SLAIN1: variants seen among roughly 807,000 people sequenced by gnomAD.
SLAIN1 encodes SLAIN family member 1, also known as SLAIN motif-containing protein 1.
SLAIN1 carries 17 observed loss-of-function variants against 55.4 expected under a neutral mutation model. That is an observed-to-expected ratio of 0.31 (90% confidence interval 0.21 to 0.46). The LOEUF is 0.46. SLAIN1 is among the 20% of genes least tolerant of loss of function. The pLI, the probability that SLAIN1 is intolerant of heterozygous loss-of-function variation, is 1.00. For synonymous variants in SLAIN1, 348 were observed against 337.4 expected, an observed-to-expected ratio of 1.03 and a Z score of -0.35; for missense variants, 682 against 785.1, an observed-to-expected ratio of 0.87 and a Z score of 1.57.
chr13:77,719,737 G>T lies in SLAIN1; in HGVS notation c.766+66G>T, dbSNP rs2091243739. The stretch of plus-strand genomic sequence containing the variant: ...CACTCTCAGTGCTGCTTTTGTTGCT[G>T]GTTTTGGAATAAACATTTCAATTGA... On this transcript the variant is annotated intron_variant, in intron 2 of 6. Coordinates refer to ENST00000418532, the MANE Select transcript of SLAIN1 (RefSeq NM_001242868.2). 12 of 1,546,342 alleles carry T rather than the reference G, an allele frequency of 7.8e-6. No homozygotes were observed. The South Asian group carries it at 1.5e-4, about 19-fold the overall frequency.
Position 77,746,746 on chromosome 13 carries a change from TAGG to T in SLAIN1, c.1155_1157del (p.Arg385del). 1 of 1,613,848 alleles carries T rather than the reference TAGG, an allele frequency of 6.2e-7. No individual in the cohort carries two copies. The highest frequency in any genetic ancestry group is 8.5e-7 in the Non-Finnish European group (1 of 1,179,838). Reference sequence around the variant, plus strand: ...AGACTTTCTCCAGCATTCGGGAGTGTAGGAGGAGCCCCAGTTCCCAGTATTTTC... The same window carrying T: ...AGACTTTCTCCAGCATTCGGGAGTGTAGGAGCCCCAGTTCCCAGTATTTTC... On this transcript the variant is annotated inframe_deletion, in exon 4 of 7. Coordinates refer to ENST00000418532, the MANE Select transcript of SLAIN1 (RefSeq NM_001242868.2).
chr13:77,711,825 A>G (rs1332331937), intron 1 of SLAIN1, among the ~76,000 whole-genome samples: 1 of 152,232 alleles, frequency 6.6e-6, no homozygotes, highest in Admixed American at 6.5e-5. Context: ...GAAAATCCTC[A>G]GTAAAATACT....
intron 3 of SLAIN1, among the ~76,000 whole-genome samples, chr13:77,746,290 G>T (rs1371196072): frequency 6.6e-6 from 1 of 152,038 alleles, no homozygotes; most frequent in African/African-American, 2.4e-5. Flanking sequence ...ACTGGAATTG[G>T]GGCAATCTTT....
intron 5 of SLAIN1, among the ~76,000 whole-genome samples, chr13:77,756,298 A>G (rs1350398527): frequency 2.0e-5 from 3 of 152,032 alleles, no homozygotes; most frequent in African/African-American, 7.2e-5. Flanking sequence ...CTGCAGATCA[A>G]TTTTTGGAAG....
chr13:77,698,276 G>A lies in SLAIN1; in HGVS notation c.363G>A (p.Ala121=). 1.4e-6 allele frequency: 2 copies of A among 1,422,166 alleles called. No homozygotes were observed. Among genetic ancestry groups the A allele is most frequent in the South Asian group, 1.4e-5 (1 of 72,292 alleles). 88.1% of individuals were successfully genotyped at this position (1,422,166 alleles called of 1,614,324 possible). Residue 121 remains alanine, a synonymous_variant, in exon 1 of 7, where the codon GCG becomes GCA. Transcript: ENST00000418532. This position sits in a 1 kb window ranked among gnomAD's most constrained non-coding sequence, Gnocchi z 4.1. ...GCAGCGGCGGTGGCTCCAGCCCCGCGTTCCCGGGCACCTTCTGCCTGCCTA... is the reference window on the plus strand; with the variant it reads ...GCAGCGGCGGTGGCTCCAGCCCCGCATTCCCGGGCACCTTCTGCCTGCCTA... The part of the protein sequence containing the change: ...GSGSGGGSSP[A]FPGTFCLPSP...
chr13:77,745,599 A>C (rs1873759899), intron 3 of SLAIN1, among the ~76,000 whole-genome samples: 1 of 152,080 alleles, frequency 6.6e-6, no homozygotes, highest in Non-Finnish European at 1.5e-5. Context: ...TTTGTTTTGG[A>C]GTTATCTTTT....
intron 1 of SLAIN1, among the ~76,000 whole-genome samples, chr13:77,707,243 ACTT>A (rs1242147859): frequency 6.6e-6 from 1 of 151,042 alleles, no homozygotes; most frequent in Non-Finnish European, 1.5e-5. Flanking sequence ...TTTTCAGGAG[ACTT>A]CTTCAACTTG....
chr13:77,717,730 T>A (rs1424603247), intron 1 of SLAIN1, among the ~76,000 whole-genome samples: 1 of 152,166 alleles, frequency 6.6e-6, no homozygotes, highest in Non-Finnish European at 1.5e-5. Context: ...GCTGAGTGCC[T>A]CTCAAGATGT....
Position 77,746,697 on chromosome 13 carries a change from T to C in SLAIN1, c.1100T>C (p.Phe367Ser), listed in dbSNP as rs1412703309. 1 of 1,613,752 alleles carries C rather than the reference T, an allele frequency of 6.2e-7. No individual in the cohort carries two copies. The highest frequency in any genetic ancestry group is 1.7e-5 in the Admixed American group (1 of 59,940). The change falls in exon 4 of 7, where the codon TTC becomes TCC. Residue 367 changes from phenylalanine (F) to serine (S), a missense_variant. Around this residue, in one of 3 missense-constraint regions of SLAIN1, gnomAD observed 244 missense variants for 295.2 expected, o/e 0.83. Coordinates refer to ENST00000418532, the MANE Select transcript of SLAIN1 (RefSeq NM_001242868.2). Reference sequence around the variant, plus strand: ...CCTCGTCTTCCAAGATGTTCCCCTTTCCAAAGAGGAATTCCCCATTCACAG... The same window carrying C: ...CCTCGTCTTCCAAGATGTTCCCCTTCCCAAAGAGGAATTCCCCATTCACAG... Reference protein sequence around the residue: ...PQPRLPRCSPFQRGIPHSQTF... With the variant: ...PQPRLPRCSPSQRGIPHSQTF...
intron 2 of SLAIN1, among the ~76,000 whole-genome samples, chr13:77,733,915 TGGAGCCAA>T (rs1023496491): frequency 3.9e-5 from 6 of 152,142 alleles, no homozygotes; most frequent in Admixed American, 3.9e-4. Context: ...TTGCTCAGGT[TGGAGCCAA>T]GTCAGCAGCA....
At chr13:77,726,573 G>A (rs372756873) in intron 2 of SLAIN1, among the ~76,000 whole-genome samples, 1 of 152,054 alleles carries the variant, frequency 6.6e-6, no homozygotes, top group Non-Finnish European at 1.5e-5. Flanking sequence ...GACTGCAGAT[G>A]TATGCCACCA....
At chr13:77,758,150 G>T (rs1874738060) in intron 5 of SLAIN1, among the ~76,000 whole-genome samples, 1 of 152,050 alleles carries the variant, frequency 6.6e-6, no homozygotes, top group African/African-American at 2.4e-5. Flanking sequence ...GTATCTCATT[G>T]TGGTTTTAAT....
rs2091221235 is a variant in SLAIN1 at position 77,717,641 on chromosome 13, G to C, written c.627-1891G>C. On this transcript the variant is annotated intron_variant, in intron 1 of 6. Coordinates refer to ENST00000418532, the MANE Select transcript of SLAIN1 (RefSeq NM_001242868.2). Reference sequence around the variant, plus strand: ...ATCAGATGATTTTCTCTCAGTTTCTGTTGGCTAGGATTGTGTCTGGGGCGT... The same window carrying C: ...ATCAGATGATTTTCTCTCAGTTTCTCTTGGCTAGGATTGTGTCTGGGGCGT... Among the ~76,000 whole-genome samples, 3 of 152,100 alleles carry C rather than the reference G, an allele frequency of 2.0e-5. No individual in the cohort carries two copies. The South Asian group carries it at 6.2e-4, about 31-fold the overall frequency.
At chr13:77,747,257 T>TA (rs1873901854) in intron 4 of SLAIN1, among the ~76,000 whole-genome samples, 1 of 151,952 alleles carries the variant, frequency 6.6e-6, no homozygotes, top group Non-Finnish European at 1.5e-5. Context: ...TTAAGAGAAA[T>TA]ATAGATAATT....
At chr13:77,743,072 C>G in intron 2 of SLAIN1, 1 of 1,302,960 alleles carries the variant, frequency 7.7e-7, no homozygotes. Context: ...TCCTTATAGT[C>G]CTGTTGCAAG....
At chr13:77,707,545 C>A (rs2091102889) in intron 1 of SLAIN1, among the ~76,000 whole-genome samples, 1 of 152,010 alleles carries the variant, frequency 6.6e-6, no homozygotes, top group Non-Finnish European at 1.5e-5. Context: ...CTGTTCATAC[C>A]CAAAGGAGGT....
chr13:77,698,368 C>A lies in SLAIN1; in HGVS notation c.455C>A (p.Pro152Gln). 2 of 1,434,696 alleles carry A rather than the reference C, an allele frequency of 1.4e-6. No individual in the cohort carries two copies. Among genetic ancestry groups the A allele is most frequent in the South Asian group, 1.4e-5 (1 of 72,672 alleles). The allele number at this position is 1,434,696 out of a possible 1,614,324, so 88.9% of individuals were successfully genotyped here. A position where few individuals can be genotyped will look rare whatever the true frequency, so the allele number is the denominator to read the frequency against. ...PPEAPFVYFK[P>Q]AAGFFGAGGG... is the part of the protein sequence containing the mutation. ...GAGGCGCCCTTCGTCTACTTCAAGC[C>A]GGCAGCAGGCTTCTTCGGCGCGGGC... Residue 152 changes from proline to glutamine, a missense_variant, in exon 1 of 7, where the codon CCG becomes CAG. Physicochemically the swap from Pro to Gln is moderately conservative, Grantham distance 76. Around this residue, in one of 3 missense-constraint regions of SLAIN1, gnomAD observed 401 missense variants for 417.3 expected, o/e 0.96. Transcript: ENST00000418532. The surrounding 1 kb of genome is among the most constrained non-coding windows in gnomAD (Gnocchi z 4.1).
intron 2 of SLAIN1, among the ~76,000 whole-genome samples, chr13:77,736,070 A>C (rs1002394950): frequency 1.3e-5 from 2 of 152,088 alleles, no homozygotes; most frequent in African/African-American, 4.8e-5. Context: ...TAACATTTTC[A>C]ATCTCAGCTC....
Position 77,761,102 on chromosome 13 carries a change from T to G in SLAIN1, c.1689T>G (p.Pro563=), listed in dbSNP as rs1824694987. Residue 563 remains proline, a synonymous_variant, in exon 6 of 7, where the codon CCT becomes CCG. Transcript: ENST00000418532. ...TGCCTCGAAGCAAAATTGCACAACC[T>G]GTTAGAAGGTAAGAATGTGTATTTG... is the stretch of plus-strand genomic sequence containing the variant. The part of the protein sequence containing the change: ...SNLPRSKIAQ[P]VRSFLQPPKP... 6.2e-7 allele frequency: 1 copy of G among 1,614,020 alleles called. No individual in the cohort carries two copies. Among genetic ancestry groups the G allele is most frequent in the East Asian group, 2.2e-5 (1 of 44,886 alleles).
Sources: allele counts gnomAD v4.1 joint callset (sites outside exome capture counted in the v4.1 genomes callset), GRCh38; gene constraint gnomAD v4.1.1; regional missense constraint gnomAD v4.1.1; non-coding constraint Gnocchi (gnomAD v3.1); transcripts MANE v1.5; gene names NCBI Gene and HGNC (gene_info 2026-07-23, HGNC 2026-07-21).